STEAP4: variants seen among roughly 807,000 people sequenced by gnomAD.
STEAP4 encodes metalloreductase STEAP4.
STEAP4 carries 36 observed loss-of-function variants against 43.6 expected under a neutral mutation model. That is an observed-to-expected ratio of 0.83 (90% CI 0.63 to 1.09). STEAP4 has a LOEUF of 1.09. Ranked by LOEUF, STEAP4 falls within the 50% of genes least tolerant of loss-of-function variation. STEAP4 has a pLI of 0.00. For synonymous variants in STEAP4, 191 were observed against 196.7 expected (o/e 0.97, Z 0.24); for missense variants, 495 against 546.5 (o/e 0.91, Z 0.94).
rs766887557 is a variant in STEAP4 at position 88,282,926 on chromosome 7, A to G, written c.699T>C (p.Asp233=). ...TGGAAATAGCCATACGAAATGTATT[A>G]TCTTTCTTTTCATAAACATAAGGGT... is the stretch of plus-strand genomic sequence containing the variant. ...VIYPYVYEKK[D]NTFRMAISIP... is the part of the protein sequence containing the mutation. Residue 233 remains aspartate, a synonymous_variant, in exon 3 of 5, where the codon GAT becomes GAC. Transcript: ENST00000380079. 6.2e-7 allele frequency: 1 copy of G among 1,614,204 alleles called. No homozygotes were observed. The highest frequency in any genetic ancestry group is 1.1e-5 in the South Asian group (1 of 91,084).
rs907730514 is a variant in STEAP4, at chr7:88,272,679, T to C, written c.*6719A>G. ...TGTGATTTTGTGTTTTACAGACATA[T>C]GCATTGATTTGTAATGAACTGGAAA... On this transcript the variant is annotated 3_prime_UTR_variant, in exon 5 of 5. Transcript: ENST00000380079. 1 of 152,186 alleles carries C rather than the reference T, an allele frequency of 6.6e-6. No individual in the cohort carries two copies. The highest frequency in any genetic ancestry group is 1.5e-5 in the Non-Finnish European group (1 of 68,046). 9.4% of individuals were successfully genotyped at this position (152,186 alleles called of 1,614,324 possible).
In STEAP4 at chr7:88,283,035, A is replaced by T. The variant is rs1030807662; in HGVS notation, c.590T>A (p.Phe197Tyr). 1 of 1,613,776 alleles carries T rather than the reference A, an allele frequency of 6.2e-7. No homozygotes were observed. The highest frequency in any genetic ancestry group is 1.7e-5 in the Admixed American group (1 of 59,944). Reference protein sequence around the residue: ...KEIEKYPLQLFPMWRFPFYLS... With the variant: ...KEIEKYPLQLYPMWRFPFYLS... ...ATAGAAGGGGAACCTCCACATTGGA[A>T]ATAGCTGCAGGGGGTACTTTTCAAT... Residue 197 changes from phenylalanine (F) to tyrosine (Y), a missense_variant, in exon 3 of 5, where the codon TTT becomes TAT. By Grantham distance (22) the Phe-to-Tyr change is conservative (BLOSUM62 3). Transcript: ENST00000380079.
Position 88,284,256 on chromosome 7 carries a change from C to A in STEAP4, c.14G>T (p.Cys5Phe). The A allele has an allele frequency of 6.3e-7, 1 of 1,583,666 alleles. No individual in the cohort carries two copies. The highest frequency in any genetic ancestry group is 8.6e-7 in the Non-Finnish European group (1 of 1,165,732). The change falls in exon 2 of 5, where the codon TGT becomes TTT. Residue 5 changes from cysteine to phenylalanine, a missense_variant. Cys to Phe is a radical substitution (Grantham distance 205, BLOSUM62 -2). Coordinates refer to ENST00000380079, the MANE Select transcript of STEAP4 (RefSeq NM_024636.4). ...CATAGTAAGAGGAAGTGCATCTATA[C>A]AAGTTTTCTCCATAACTGAAAAATA... MEKT[C>F]IDALPLTMNS...
intron 1 of STEAP4, among the ~76,000 whole-genome samples, chr7:88,303,609 T>C (rs1156668535): frequency 6.6e-6 from 1 of 152,126 alleles, no homozygotes. Context: ...CAGAACATTG[T>C]GGAGAAGAAT....
intron 1 of STEAP4, among the ~76,000 whole-genome samples, chr7:88,286,641 G>A (rs190292328): frequency 2.6e-5 from 4 of 152,276 alleles, no homozygotes; most frequent in Non-Finnish European, 5.9e-5. Flanking sequence ...AACTTGGGAG[G>A]TGGAGATTGT....
At chr7:88,287,824 TA>T (rs1852762216) in intron 1 of STEAP4, among the ~76,000 whole-genome samples, 2 of 152,330 alleles carry the variant, frequency 1.3e-5, no homozygotes, top group South Asian at 4.1e-4. Context: ...TCTAATCCTG[TA>T]GTTAATCTGT....
intron 1 of STEAP4, among the ~76,000 whole-genome samples, chr7:88,296,328 C>T (rs143163967): frequency 6.6e-6 from 1 of 152,168 alleles, no homozygotes. Context: ...AGACATTATC[C>T]CCTCTGGACA....
chr7:88,288,602 T>C (rs997733842), intron 1 of STEAP4, among the ~76,000 whole-genome samples: 3 of 152,208 alleles, frequency 2.0e-5, no homozygotes, highest in African/African-American at 7.2e-5. Context: ...ACAAATGTGA[T>C]TGCATAAAAA....
chr7:88,299,629 G>C (rs1414011206), intron 1 of STEAP4, among the ~76,000 whole-genome samples: 1 of 152,200 alleles, frequency 6.6e-6, no homozygotes, highest in African/African-American at 2.4e-5. Context: ...GTGTTCATTA[G>C]TGGGTTTTGC....
chr7:88,302,951 C>CAAAAAAAAA (rs35493493), intron 1 of STEAP4, among the ~76,000 whole-genome samples: 4 of 51,488 alleles, frequency 7.8e-5, no homozygotes, highest in African/African-American at 3.1e-4. Flanking sequence ...GAGACTGTCT[C>CAAAAAAAAA]AAAAAAAAAA....
intron 1 of STEAP4, among the ~76,000 whole-genome samples, chr7:88,286,662 G>C (rs1852739871): frequency 6.6e-6 from 1 of 152,006 alleles, no homozygotes; most frequent in Non-Finnish European, 1.5e-5. Flanking sequence ...AGTGAGCTGA[G>C]ATTGCACCAC....
At chr7:88,287,089 GC>G (rs1376049202) in intron 1 of STEAP4, among the ~76,000 whole-genome samples, 2 of 152,110 alleles carry the variant, frequency 1.3e-5, no homozygotes, top group Non-Finnish European at 2.9e-5. Flanking sequence ...GAAGGAAGGG[GC>G]TGTTGGTAGC....
rs1852463306 is a variant in STEAP4, at chr7:88,273,221, TAATGAAATGAGA to T, written c.*6165_*6176del. The stretch of plus-strand genomic sequence containing the variant: ...ACACTAAAACTTATTTATTTTGCTG[TAATGAAATGAGA>T]ACAGGAAGTCTGTCATTCTTTTTCA... On this transcript the variant is annotated 3_prime_UTR_variant, in exon 5 of 5. Coordinates refer to ENST00000380079, the MANE Select transcript of STEAP4 (RefSeq NM_024636.4). 6.6e-6 allele frequency: 1 copy of T among 152,220 alleles called. No homozygotes were observed. Among genetic ancestry groups the T allele is most frequent in the Admixed American group, 6.5e-5 (1 of 15,284 alleles). The allele number at this position is 152,220 out of a possible 1,614,324, so 9.4% of individuals were successfully genotyped here.
Position 88,275,969 on chromosome 7 carries a change from C to G in STEAP4, c.*3429G>C, listed in dbSNP as rs955998421. The G allele has an allele frequency of 2.0e-4, 30 of 152,302 alleles. No individual in the cohort carries two copies. Among genetic ancestry groups the G allele is most frequent in the African/African-American group, 7.2e-4 (30 of 41,562 alleles). 9.4% of individuals were successfully genotyped at this position (152,302 alleles called of 1,614,324 possible). A position where few individuals can be genotyped will look rare whatever the true frequency, so the allele number is the denominator to read the frequency against. Reference sequence around the variant, plus strand: ...TACTATTTTTGAAAGCAGGATAACACCCATCAGAGCTGCAGCAGTCCAGTT... The same window carrying G: ...TACTATTTTTGAAAGCAGGATAACAGCCATCAGAGCTGCAGCAGTCCAGTT... On this transcript the variant is annotated 3_prime_UTR_variant, in exon 5 of 5. Transcript: ENST00000380079.
chr7:88,296,924 A>T (rs918107907), intron 1 of STEAP4, among the ~76,000 whole-genome samples: 3 of 152,198 alleles, frequency 2.0e-5, no homozygotes, highest in Non-Finnish European at 4.4e-5. Flanking sequence ...AATGCCCATA[A>T]TAAATGGCTT....
chr7:88,283,241 A>C (rs948481916), intron 2 of STEAP4, 73 bp from the exon 3 acceptor site: 6 of 1,417,754 alleles, frequency 4.2e-6, no homozygotes, highest in East Asian at 4.8e-5. Context: ...GAAAGGCTAC[A>C]ACAGCACCAT....
chr7:88,300,300 T>A lies in STEAP4; in HGVS notation c.-3+6492A>T, dbSNP rs188856508. ...CTCAGCTCACTGCAACCTCTGCTTC[T>A]TGGGTTCAAGTGATTTTCATGCCTC... is the stretch of plus-strand genomic sequence containing the variant. On this transcript the variant is annotated intron_variant, in intron 1 of 4. Transcript: ENST00000380079. Among the ~76,000 whole-genome samples, 553 of 152,286 alleles carry A rather than the reference T, an allele frequency of 3.6e-3. 5 individuals are homozygous for A. The highest frequency in any genetic ancestry group is 0.013 in the African/African-American group (532 of 41,552).
intron 3 of STEAP4, chr7:88,281,686 C>T (rs1194755478): frequency 6.6e-6 from 1 of 152,138 alleles, no homozygotes; most frequent in Non-Finnish European, 1.5e-5. Context: ...TCAAAACTAG[C>T]TATTTCTAAA....
At position 88,273,258 on chromosome 7, in the gene STEAP4, A is replaced by G. The variant is rs1342113142; in HGVS notation, c.*6140T>C. ...AACAGGAAGTCTGTCATTCTTTTTC[A>G]TCTCTATCTTAGCATGAAAGAAAGG... On this transcript the variant is annotated 3_prime_UTR_variant, in exon 5 of 5. Coordinates refer to ENST00000380079, the MANE Select transcript of STEAP4 (RefSeq NM_024636.4). The G allele has an allele frequency of 6.6e-6, 1 of 152,166 alleles. No individual in the cohort carries two copies. Among genetic ancestry groups the G allele is most frequent in the African/African-American group, 2.4e-5 (1 of 41,450 alleles). 9.4% of individuals were successfully genotyped at this position (152,166 alleles called of 1,614,324 possible).
Sources: gnomAD v4.1 joint callset for allele counts (sites outside exome capture counted in the v4.1 genomes callset) on GRCh38, gnomAD v4.1.1 for gene constraint, MANE v1.5 for transcripts, NCBI Gene and HGNC (gene_info 2026-07-23, HGNC 2026-07-21) for gene names.